The following SAMD12 variants were observed in gnomAD, a reference collection of about 807,000 sequenced individuals.
The protein encoded by SAMD12 is sterile alpha motif domain containing 12, also known as sterile alpha motif domain-containing protein 12.
SAMD12 carries 9 observed loss-of-function variants against 15.0 expected under a neutral mutation model. The observed-to-expected ratio is 0.60, with a 90% confidence interval of 0.36 to 1.05. SAMD12 has a LOEUF of 1.05. SAMD12 is among the 50% of genes least tolerant of loss of function. The pLI is 0.01. For missense variants in SAMD12, 230 were observed against 234.2 expected (o/e 0.98, Z 0.12); for synonymous variants, 86 against 90.1 (o/e 0.96, Z 0.25).
At chr8:118,230,233 T>C (rs1476983207) in intron 4 of SAMD12, among the ~76,000 whole-genome samples, 2 of 152,150 alleles carry the variant, frequency 1.3e-5, no homozygotes, top group African/African-American at 4.8e-5. Flanking sequence ...ACCTGTGACA[T>C]AGATACTATT....
chr8:118,439,679 C>T (rs1396235039), intron 3 of SAMD12, among the ~76,000 whole-genome samples, 153 bp downstream of exon 3: 7 of 152,104 alleles, frequency 4.6e-5, no homozygotes, highest in Admixed American at 4.6e-4. Context: ...TAGCATGGCT[C>T]ACATGGATCT....
At chr8:118,260,196 T>C (rs1237805764) in intron 4 of SAMD12, among the ~76,000 whole-genome samples, 1 of 152,144 alleles carries the variant, frequency 6.6e-6, no homozygotes, top group Non-Finnish European at 1.5e-5. Context: ...CCATATACCT[T>C]ATGCTTTGGT....
rs370564328 is a variant in SAMD12, at chr8:118,459,153, C to A, written c.193-19192G>T. On this transcript the variant is annotated intron_variant, in intron 2 of 3. Coordinates refer to ENST00000314727, the MANE Select transcript of SAMD12 (RefSeq NM_207506.3). ...TGATCTTGGCTCACTACAACCTCCG[C>A]CTCCCCGGTTCAAGTGATTCTCCTG... 2.2e-3 allele frequency among the ~76,000 whole-genome samples: 337 copies of A among 152,176 alleles called. 4 individuals carry two copies. Among genetic ancestry groups the A allele is most frequent in the African/African-American group, 7.8e-3 (322 of 41,504 alleles).
chr8:118,426,430 G>A (rs936627300), intron 3 of SAMD12, among the ~76,000 whole-genome samples: 2 of 152,140 alleles, frequency 1.3e-5, no homozygotes, highest in African/African-American at 4.8e-5. Context: ...TCTAGGTACT[G>A]GACAGGCATC....
chr8:118,609,161 A>C (rs1828048454), intron 1 of SAMD12, among the ~76,000 whole-genome samples: 2 of 152,234 alleles, frequency 1.3e-5, no homozygotes. Flanking sequence ...AGTTTTAGTG[A>C]ATCCATGAGT....
chr8:118,594,193 A>T (rs2131285281), intron 1 of SAMD12, among the ~76,000 whole-genome samples: 1 of 152,244 alleles, frequency 6.6e-6, no homozygotes, highest in East Asian at 1.9e-4. Flanking sequence ...TAAAGAGGAG[A>T]TAAATATGTG....
At chr8:118,518,238 T>C (rs1035414117) in intron 2 of SAMD12, among the ~76,000 whole-genome samples, 7 of 152,152 alleles carry the variant, frequency 4.6e-5, no homozygotes, top group African/African-American at 1.7e-4. Flanking sequence ...GGGTTTCCTA[T>C]ATGATTGAGG....
chr8:118,366,249 C>G (rs952573303), intron 4 of SAMD12, among the ~76,000 whole-genome samples: 4 of 152,140 alleles, frequency 2.6e-5, no homozygotes, highest in African/African-American at 9.7e-5. Flanking sequence ...GGTCACTTTT[C>G]CTTGTAACCT....
At chr8:118,238,977 G>T (rs1266765558) in intron 4 of SAMD12, among the ~76,000 whole-genome samples, 1 of 151,768 alleles carries the variant, frequency 6.6e-6, no homozygotes, top group Non-Finnish European at 1.5e-5. Context: ...TTTTACCATG[G>T]AAAAAAAGAA....
At chr8:118,410,345 G>C (rs1025220290) in intron 3 of SAMD12, among the ~76,000 whole-genome samples, 3 of 152,170 alleles carry the variant, frequency 2.0e-5, no homozygotes, top group African/African-American at 7.2e-5. Context: ...CCAAGGCTAT[G>C]AAAAATTTCT....
chr8:118,590,137 A>G (rs926080236), intron 1 of SAMD12, among the ~76,000 whole-genome samples: 2 of 152,224 alleles, frequency 1.3e-5, no homozygotes, highest in African/African-American at 4.8e-5. Flanking sequence ...ATAATATACA[A>G]GAGCTTGCTC....
intron 4 of SAMD12, among the ~76,000 whole-genome samples, chr8:118,237,785 A>T (rs544199877): frequency 6.6e-6 from 1 of 152,288 alleles, no homozygotes; most frequent in African/African-American, 2.4e-5. Flanking sequence ...CATTAAAAAA[A>T]TTCAGAAATA....
downstream of SAMD12, among the ~76,000 whole-genome samples, chr8:118,185,201 A>G (rs376318712): frequency 2.6e-5 from 4 of 152,146 alleles, no homozygotes; most frequent in South Asian, 4.1e-4. Flanking sequence ...AAGCTTCTAG[A>G]TTTTCTAATT....
At chr8:118,371,230 T>C (rs1212597198) in intron 4 of SAMD12, among the ~76,000 whole-genome samples, 1 of 152,146 alleles carries the variant, frequency 6.6e-6, no homozygotes. Context: ...CTGTAGGTAA[T>C]TGGGAACCAT....
intron 3 of SAMD12, among the ~76,000 whole-genome samples, chr8:118,409,751 G>A (rs1298148918): frequency 6.6e-6 from 1 of 151,650 alleles, no homozygotes; most frequent in Non-Finnish European, 1.5e-5. Context: ...GACTAAATTG[G>A]CTCACATAAA....
At chr8:118,468,511 T>A (rs562610446) in intron 2 of SAMD12, among the ~76,000 whole-genome samples, 1 of 152,292 alleles carries the variant, frequency 6.6e-6, no homozygotes, top group East Asian at 1.9e-4. Flanking sequence ...GCTCTGTTGA[T>A]ATGAAGCAAT....
At chr8:118,613,973 C>A (rs1828170396) in intron 1 of SAMD12, among the ~76,000 whole-genome samples, 1 of 152,180 alleles carries the variant, frequency 6.6e-6, no homozygotes, top group Non-Finnish European at 1.5e-5. Context: ...TGCACAGAGT[C>A]AGATCATGAA....
chr8:118,441,829 T>G (rs1822772120), intron 2 of SAMD12, among the ~76,000 whole-genome samples: 3 of 152,294 alleles, frequency 2.0e-5, no homozygotes, highest in Non-Finnish European at 4.4e-5. Flanking sequence ...AAACAGCTTC[T>G]GCCTGATTCA....
At chr8:118,471,416 T>G (rs939788880) in intron 2 of SAMD12, among the ~76,000 whole-genome samples, 1 of 152,178 alleles carries the variant, frequency 6.6e-6, no homozygotes, top group African/African-American at 2.4e-5. Flanking sequence ...TGCAAAAATT[T>G]TAGTTGTACC....
Sources: allele counts gnomAD v4.1 joint callset (sites outside exome capture counted in the v4.1 genomes callset), GRCh38; gene constraint gnomAD v4.1.1; transcripts MANE v1.5; gene names NCBI Gene and HGNC (gene_info 2026-07-23, HGNC 2026-07-21).